TENM2: variants seen among roughly 807,000 people sequenced by gnomAD.
The protein encoded by TENM2 is teneurin-2.
In TENM2, 52 loss-of-function variants were observed where a neutral mutation model predicts 245.2. The ratio of observed to expected loss-of-function variants is 0.21; its 90% CI spans 0.17 to 0.27. TENM2 has a LOEUF of 0.27. TENM2 is among the 10% of genes least tolerant of loss of function. The pLI is 1.00. For missense variants in TENM2, 3,046 were observed against 3,666.8 expected (o/e 0.83, Z 4.37); for synonymous variants, 1,363 against 1,438.9 (o/e 0.95, Z 1.19).
intron 2 of TENM2, among the ~76,000 whole-genome samples, chr5:167,412,314 C>A (rs1278197311): frequency 5.3e-5 from 8 of 151,964 alleles, no homozygotes; most frequent in African/African-American, 1.7e-4. Context: ...AAGAGAGGGA[C>A]TTGTTAGATA....
the TENM2 span, among the ~76,000 whole-genome samples, chr5:167,118,201 T>C: frequency 5.9e-5 from 9 of 152,232 alleles, no homozygotes; most frequent in African/African-American, 2.2e-4. Flanking sequence ...GAAAGCCCTT[T>C]CTATATTAGA....
intron 12 of TENM2, among the ~76,000 whole-genome samples, chr5:168,143,843 CTTTTTTTTTTT>C (rs70976464): frequency 9.7e-6 from 1 of 102,716 alleles, no homozygotes; most frequent in Non-Finnish European, 1.9e-5. Context: ...TACTACACTT[CTTTTTTTTTTT>C]TTTTTTTTTT....
At chr5:167,285,414 TA>T (rs1334154611) in intron 1 of TENM2, among the ~76,000 whole-genome samples, 1 of 152,200 alleles carries the variant, frequency 6.6e-6, no homozygotes, top group East Asian at 1.9e-4. Flanking sequence ...TTCCCTCTAC[TA>T]AAATATGATG....
At chr5:167,124,001 T>A in the TENM2 span, among the ~76,000 whole-genome samples, 1 of 152,222 alleles carries the variant, frequency 6.6e-6, no homozygotes, top group East Asian at 1.9e-4. Context: ...ATTCAATCAA[T>A]ATAAATATGC....
At chr5:167,133,983 A>T in the TENM2 span, among the ~76,000 whole-genome samples, 1 of 152,190 alleles carries the variant, frequency 6.6e-6, no homozygotes, top group African/African-American at 2.4e-5. Context: ...AAACCTCTAT[A>T]GAGTGTTCAC....
intron 2 of TENM2, among the ~76,000 whole-genome samples, chr5:167,705,121 T>C (rs535111998): frequency 8.4e-4 from 128 of 152,252 alleles, no homozygotes; most frequent in African/African-American, 2.8e-3. Flanking sequence ...TTTTGTGCAC[T>C]GGATTATGAA....
intron 3 of TENM2, among the ~76,000 whole-genome samples, chr5:167,900,324 C>T (rs186943300): frequency 1.1e-3 from 162 of 151,952 alleles, no homozygotes; most frequent in African/African-American, 3.7e-3. Context: ...ATGAAACCAC[C>T]GTCAGTTATG....
intron 2 of TENM2, among the ~76,000 whole-genome samples, chr5:167,514,479 T>C (rs1201042673): frequency 1.3e-5 from 2 of 152,200 alleles, no homozygotes; most frequent in Non-Finnish European, 2.9e-5. Context: ...AAAAATGTCT[T>C]TCATGGTTCG....
chr5:167,495,812 A>G (rs1768777712), intron 2 of TENM2, among the ~76,000 whole-genome samples: 1 of 152,112 alleles, frequency 6.6e-6, no homozygotes, highest in Non-Finnish European at 1.5e-5. Context: ...CAGTCAATAA[A>G]GGTTTAAATG....
At chr5:167,927,239 G>C (rs193231172) in intron 3 of TENM2, among the ~76,000 whole-genome samples, 2 of 152,064 alleles carry the variant, frequency 1.3e-5, no homozygotes, top group African/African-American at 2.4e-5. Context: ...TGGGTTCATC[G>C]GTCTAAAGTC....
chr5:168,105,037 T>TA (rs1280602195), intron 9 of TENM2, among the ~76,000 whole-genome samples: 2 of 152,094 alleles, frequency 1.3e-5, no homozygotes, highest in Non-Finnish European at 2.9e-5. Flanking sequence ...GAGTCCAAAA[T>TA]ACTGTGATAC....
intron 3 of TENM2, among the ~76,000 whole-genome samples, chr5:167,914,028 T>C (rs1308945657): frequency 3.3e-5 from 5 of 152,172 alleles, no homozygotes; most frequent in African/African-American, 1.2e-4. Context: ...TTATTGTATG[T>C]GTATAGAAGG....
At chr5:168,180,910 A>T (rs10866622) in intron 13 of TENM2, among the ~76,000 whole-genome samples, 10 of 13,698 alleles carry the variant, frequency 7.3e-4, no homozygotes, top group African/African-American at 1.5e-3. Flanking sequence ...CTTAAAATTT[A>T]AAAAAAAAAA....
chr5:167,729,751 A>C (rs778673526), intron 2 of TENM2, among the ~76,000 whole-genome samples: 1 of 152,054 alleles, frequency 6.6e-6, no homozygotes, highest in Non-Finnish European at 1.5e-5. Flanking sequence ...TCAAAATTAG[A>C]TTTGTTTAGT....
At chr5:167,197,871 T>C in the TENM2 span, among the ~76,000 whole-genome samples, 1 of 151,848 alleles carries the variant, frequency 6.6e-6, no homozygotes, top group Non-Finnish European at 1.5e-5. Flanking sequence ...CATGTGTGTA[T>C]ATATAGAGAG....
intron 13 of TENM2, among the ~76,000 whole-genome samples, chr5:168,183,542 C>G (rs570755103): frequency 6.6e-6 from 1 of 152,320 alleles, no homozygotes; most frequent in South Asian, 2.1e-4. Context: ...TCAGCAGGAG[C>G]CTTTGGCCTT....
the TENM2 span, among the ~76,000 whole-genome samples, chr5:167,161,162 T>C: frequency 6.6e-6 from 1 of 152,192 alleles, no homozygotes; most frequent in African/African-American, 2.4e-5. Flanking sequence ...AATATGCAAA[T>C]GTGCATTGTG....
chr5:167,402,814 G>A (rs902137514), intron 2 of TENM2, among the ~76,000 whole-genome samples: 1 of 152,244 alleles, frequency 6.6e-6, no homozygotes, highest in East Asian at 1.9e-4. Flanking sequence ...AGAGACTTCA[G>A]AGCCAGCAGC....
intron 2 of TENM2, among the ~76,000 whole-genome samples, chr5:167,847,191 G>A (rs1770124265): frequency 1.3e-5 from 2 of 152,150 alleles, no homozygotes; most frequent in Admixed American, 6.5e-5. Context: ...GGGCTTAAGC[G>A]ATCCTCTTGC....
Sources: allele counts gnomAD v4.1 joint callset (sites outside exome capture counted in the v4.1 genomes callset), GRCh38; gene constraint gnomAD v4.1.1; transcripts MANE v1.5; gene names NCBI Gene and HGNC (gene_info 2026-07-23, HGNC 2026-07-21).